The following USP34 variants were observed in gnomAD, a reference collection of about 807,000 sequenced individuals.
USP34 encodes ubiquitin specific peptidase 34.
Under a neutral mutation model 460.3 loss-of-function variants are expected in USP34, and 70 were observed. That is an observed-to-expected ratio of 0.15 (90% CI 0.13 to 0.19). The LOEUF is 0.19. USP34 is among the 10% of genes least tolerant of loss of function. USP34 has a pLI of 1.00. For missense variants in USP34, 3,985 were observed against 4,236.2 expected (o/e 0.94, Z 1.65); for synonymous variants, 1,647 against 1,405.3 (o/e 1.17, Z -3.85).
intron 34 of USP34, 65 bp from the exon 35 acceptor site, chr2:61,285,022 T>C (rs1419688907): frequency 1.5e-6 from 2 of 1,351,244 alleles, no homozygotes; most frequent in Admixed American, 4.2e-5. Flanking sequence ...CAAAAAGCAC[T>C]CAAGATTTAG....
Position 61,187,905 on chromosome 2 carries a change from T to G in USP34, c.*197A>C, listed in dbSNP as rs780616057. On this transcript the variant is annotated 3_prime_UTR_variant, in exon 80 of 80. Coordinates refer to ENST00000398571, the MANE Select transcript of USP34 (RefSeq NM_014709.4). Reference sequence around the variant, plus strand: ...AACATATCCATTATCTGATTGCCCTTTAGGAAGTATACTGAAGATGCAAGT... The same window carrying G: ...AACATATCCATTATCTGATTGCCCTGTAGGAAGTATACTGAAGATGCAAGT... 58 of 1,411,032 alleles carry G rather than the reference T, an allele frequency of 4.1e-5. No homozygotes were observed. The highest frequency in any genetic ancestry group is 5.1e-5 in the Non-Finnish European group (55 of 1,079,568). 87.4% of individuals were successfully genotyped at this position (1,411,032 alleles called of 1,614,324 possible). A position where few individuals can be genotyped will look rare whatever the true frequency, so the allele number is the denominator to read the frequency against.
intron 75 of USP34, among the ~76,000 whole-genome samples, chr2:61,199,504 C>T (rs1686906288): frequency 6.6e-6 from 1 of 152,220 alleles, no homozygotes; most frequent in East Asian, 1.9e-4. Flanking sequence ...GATCCACCCA[C>T]CTCGGCCTCC....
chr2:61,354,215 C>A (rs1270129400), intron 10 of USP34, among the ~76,000 whole-genome samples: 1 of 152,142 alleles, frequency 6.6e-6, no homozygotes, highest in Non-Finnish European at 1.5e-5. Context: ...ACAATGCAAT[C>A]AGAATGTAGG....
chr2:61,187,513 C>G lies in USP34; in HGVS notation c.*589G>C, dbSNP rs1343852012. On this transcript the variant is annotated 3_prime_UTR_variant, in exon 80 of 80. Coordinates refer to ENST00000398571, the MANE Select transcript of USP34 (RefSeq NM_014709.4). Reference sequence around the variant, plus strand: ...TTAAGTGCACAGAATAGCAATCAATCAATCAGTCATGTCAATAAAAATAAA... The same window carrying G: ...TTAAGTGCACAGAATAGCAATCAATGAATCAGTCATGTCAATAAAAATAAA... 2 of 981,308 alleles carry G rather than the reference C, an allele frequency of 2.0e-6. No individual in the cohort carries two copies. Among genetic ancestry groups the G allele is most frequent in the Non-Finnish European group, 2.4e-6 (2 of 827,796 alleles). The allele number at this position is 981,308 out of a possible 1,614,324, so 60.8% of individuals were successfully genotyped here.
intron 1 of USP34, among the ~76,000 whole-genome samples, chr2:61,438,394 C>A (rs1303025661): frequency 2.6e-5 from 4 of 152,128 alleles, no homozygotes; most frequent in Non-Finnish European, 5.9e-5. Context: ...AGGCGGATCA[C>A]TTGAGGTCAG....
Position 61,248,555 on chromosome 2 carries a change from G to A in USP34, c.6350C>T (p.Pro2117Leu). ...TCCCATAAGAAAATCTTCTGTATAGGGCGTCATGTCCAAACGTAATGGGAA... is the reference window on the plus strand; with the variant it reads ...TCCCATAAGAAAATCTTCTGTATAGAGCGTCATGTCCAAACGTAATGGGAA... The part of the protein sequence containing the change: ...FSFPLRLDMT[P>L]YTEDFLMGKS... The change falls in exon 49 of 80, where the codon CCC (proline) becomes CTC (leucine). Residue 2117 changes from proline to leucine, a missense_variant. Pro to Leu is a moderately conservative substitution (Grantham distance 98, BLOSUM62 -3). Coordinates refer to ENST00000398571, the MANE Select transcript of USP34 (RefSeq NM_014709.4). 1 of 1,606,232 alleles carries A rather than the reference G, an allele frequency of 6.2e-7. No homozygotes were observed.
intron 59 of USP34, 45 bp downstream of exon 59, chr2:61,229,503 A>G: frequency 7.7e-7 from 1 of 1,291,380 alleles, no homozygotes; most frequent in Non-Finnish European, 1.1e-6. Flanking sequence ...AACACCACAC[A>G]CACACAACAC....
rs566866112 is a variant in USP34 at position 61,203,849 on chromosome 2, A to C, written c.9384+407T>G. ...AGGAACCAGACTAAAAATGATGACA[A>C]ATCTATCAATCAATATTATGCTTAG... On this transcript the variant is annotated intron_variant, in intron 74 of 79. Transcript: ENST00000398571. Among the ~76,000 whole-genome samples, 178 of 152,216 alleles carry C rather than the reference A, an allele frequency of 1.2e-3. 1 individual carries two copies. The highest frequency in any genetic ancestry group is 3.4e-3 in the Middle Eastern group (1 of 294).
intron 5 of USP34, among the ~76,000 whole-genome samples, chr2:61,384,429 G>T (rs1693074926): frequency 6.6e-6 from 1 of 152,118 alleles, no homozygotes. Flanking sequence ...CAGCACTCTG[G>T]GAGATCGTGG....
intron 57 of USP34, among the ~76,000 whole-genome samples, chr2:61,234,558 A>G (rs1045667172): frequency 2.0e-5 from 3 of 152,206 alleles, no homozygotes; most frequent in Non-Finnish European, 2.9e-5. Context: ...TTCTAACAAC[A>G]TACAAAAGTA....
chr2:61,256,087 G>A (rs549494665), intron 48 of USP34, among the ~76,000 whole-genome samples: 1 of 152,150 alleles, frequency 6.6e-6, no homozygotes, highest in Non-Finnish European at 1.5e-5. Flanking sequence ...AGACATCTGA[G>A]ACTCGATACA....
intron 27 of USP34, among the ~76,000 whole-genome samples, chr2:61,308,937 G>A (rs1248053254): frequency 6.6e-6 from 1 of 152,144 alleles, no homozygotes; most frequent in Admixed American, 6.5e-5. Context: ...AGCTACTCAG[G>A]AGGCTGAGGT....
chr2:61,318,913 C>G (rs1404262391), intron 22 of USP34, among the ~76,000 whole-genome samples: 1 of 152,078 alleles, frequency 6.6e-6, no homozygotes, highest in Non-Finnish European at 1.5e-5. Flanking sequence ...GTGCTGCCTT[C>G]AAAAGTTATT....
intron 5 of USP34, among the ~76,000 whole-genome samples, chr2:61,389,109 G>A (rs1204604119): frequency 1.3e-5 from 2 of 152,128 alleles, no homozygotes; most frequent in Admixed American, 1.3e-4. Flanking sequence ...ATAAGATTAG[G>A]TGATAAAACT....
intron 1 of USP34, among the ~76,000 whole-genome samples, chr2:61,451,686 AAAAAAAAC>A (rs1272854648): frequency 6.6e-6 from 1 of 151,984 alleles, no homozygotes; most frequent in African/African-American, 2.4e-5. Context: ...CCGCCTCAAA[AAAAAAAAC>A]AAAAAAACAA....
chr2:61,242,572 G>T (rs1014503402), intron 51 of USP34, among the ~76,000 whole-genome samples: 1 of 151,530 alleles, frequency 6.6e-6, no homozygotes, highest in African/African-American at 2.4e-5. Context: ...ATTTGAATAA[G>T]AAAGAAAGGT....
At chr2:61,409,866 A>G (rs1693987658) in intron 2 of USP34, among the ~76,000 whole-genome samples, 1 of 152,200 alleles carries the variant, frequency 6.6e-6, no homozygotes, top group African/African-American at 2.4e-5. Context: ...TCCAAAATAC[A>G]CAAGTTCAAA....
At chr2:61,454,376 G>A (rs1695370756) in intron 1 of USP34, among the ~76,000 whole-genome samples, 1 of 152,162 alleles carries the variant, frequency 6.6e-6, no homozygotes, top group Non-Finnish European at 1.5e-5. Flanking sequence ...CACCTGCCTT[G>A]GCCTCCCAAA....
At position 61,470,786 on chromosome 2, in the gene USP34, G is replaced by T; in HGVS notation, c.-94C>A. ...GGGGAGAGAGGCGGAGGAGGGGGCC[G>T]GCCGGCCGGCGGGGCGGGGAGGCGA... On this transcript the variant is annotated 5_prime_UTR_variant, in exon 1 of 80. Transcript: ENST00000398571. 8.9e-7 allele frequency: 1 copy of T among 1,126,372 alleles called. No individual in the cohort carries two copies. 69.8% of individuals were successfully genotyped at this position (1,126,372 alleles called of 1,614,324 possible).
Sources: allele counts gnomAD v4.1 joint callset (sites outside exome capture counted in the v4.1 genomes callset), GRCh38; gene constraint gnomAD v4.1.1; transcripts MANE v1.5; gene names NCBI Gene and HGNC (gene_info 2026-07-23, HGNC 2026-07-21).